Variants in CCNB1IP1 observed in about 807,000 individuals in gnomAD.
The protein encoded by CCNB1IP1 is E3 ubiquitin-protein ligase CCNB1IP1.
In CCNB1IP1, 14 loss-of-function variants were observed where a neutral mutation model predicts 25.6. The observed-to-expected ratio is 0.55, with a 90% CI of 0.36 to 0.85. CCNB1IP1 has a LOEUF of 0.85. Among genes scored for constraint, CCNB1IP1 ranks in the 40% least tolerant of loss-of-function variants. CCNB1IP1 has a pLI of 0.01. For synonymous variants in CCNB1IP1, 119 were observed against 116.1 expected (o/e 1.02, Z -0.16); for missense variants, 278 against 342.4 (o/e 0.81, Z 1.48).
At chr14:20,315,238 T>C (rs1436291008) in intron 5 of CCNB1IP1, among the ~76,000 whole-genome samples, 1 of 137,620 alleles carries the variant, frequency 7.3e-6, no homozygotes, top group Non-Finnish European at 1.5e-5. Context: ...GAGACACCAC[T>C]ATACACCTAT....
chr14:20,320,385 T>C (rs1219178436), intron 4 of CCNB1IP1: 1 of 453,918 alleles, frequency 2.2e-6, no homozygotes, highest in Non-Finnish European at 4.4e-6. Context: ...GTCTAGTCTG[T>C]AACATTCCTA....
chr14:20,323,391 G>T, intron 4 of CCNB1IP1: 1 of 152,078 alleles, frequency 6.6e-6, no homozygotes, highest in Non-Finnish European at 1.5e-5. Flanking sequence ...CCCAACCTGG[G>T]CAACATGGCA....
chr14:20,332,026 A>ATATATATATATATTTTTT (rs59034398), intron 1 of CCNB1IP1, among the ~76,000 whole-genome samples: 4 of 40,742 alleles, frequency 9.8e-5, no homozygotes, highest in African/African-American at 3.5e-4. Flanking sequence ...ATATATATAT[A>ATATATATATATATTTTTT]TTTTTTTTTT....
chr14:20,316,164 C>T (rs1882686849), intron 5 of CCNB1IP1, 63 bp downstream of exon 5: 1 of 1,411,750 alleles, frequency 7.1e-7, no homozygotes, highest in Non-Finnish European at 9.7e-7. Flanking sequence ...GAAGGAAAGA[C>T]ACTAGAAGTT....
At chr14:20,317,134 C>G (rs374030679) in intron 4 of CCNB1IP1, among the ~76,000 whole-genome samples, 2 of 151,996 alleles carry the variant, frequency 1.3e-5, no homozygotes, top group South Asian at 4.1e-4. Flanking sequence ...ATAGGCTGGG[C>G]GCGGTGGCTC....
chr14:20,312,115 G>A (rs1432561087), intron 6 of CCNB1IP1, among the ~76,000 whole-genome samples: 1 of 152,058 alleles, frequency 6.6e-6, no homozygotes, highest in East Asian at 1.9e-4. Flanking sequence ...GGAAAATGCT[G>A]ACTATATATC....
chr14:20,327,107 CA>C (rs1317874293), intron 2 of CCNB1IP1, among the ~76,000 whole-genome samples: 2 of 149,828 alleles, frequency 1.3e-5, no homozygotes, highest in Non-Finnish European at 3.0e-5. Flanking sequence ...ACAACAACAA[CA>C]AAAAAAAACC....
Position 20,311,597 on chromosome 14 carries a change from C to G in CCNB1IP1, c.787G>C (p.Glu263Gln). The G allele has an allele frequency of 1.2e-6, 2 of 1,614,000 alleles. No homozygotes were observed. The highest frequency in any genetic ancestry group is 1.7e-6 in the Non-Finnish European group (2 of 1,180,008). Residue 263 changes from glutamate (E) to glutamine (Q), a missense_variant, in exon 7 of 7, where the codon GAG (glutamate) becomes CAG (glutamine). Transcript: ENST00000358932. ...FSFVSPSREL[E>Q]QQQVSSRAFK... ...GCCCTGCTAGAAACTTGCTGCTGCT[C>G]TAATTCACGACTTGGAGAGACAAAA...
chr14:20,315,110 G>C (rs974146318), intron 5 of CCNB1IP1, among the ~76,000 whole-genome samples: 6 of 5,180 alleles, frequency 1.2e-3, no homozygotes, highest in Non-Finnish European at 2.2e-3. Flanking sequence ...AAAAAAAAAA[G>C]ACCAAGAACT....
At chr14:20,331,606 A>T (rs908695729) in intron 1 of CCNB1IP1, among the ~76,000 whole-genome samples, 5 of 152,228 alleles carry the variant, frequency 3.3e-5, no homozygotes, top group Non-Finnish European at 7.3e-5. Flanking sequence ...TCAAGATCAT[A>T]AACTATCTGA....
At chr14:20,324,954 C>T (rs1046318979) in intron 4 of CCNB1IP1, among the ~76,000 whole-genome samples, 5 of 152,176 alleles carry the variant, frequency 3.3e-5, no homozygotes, top group Middle Eastern at 3.4e-3. Flanking sequence ...GGACTACAGG[C>T]GCACACCACC....
chr14:20,317,403 G>GA (rs545237454), intron 4 of CCNB1IP1, among the ~76,000 whole-genome samples: 58 of 146,006 alleles, frequency 4.0e-4, no homozygotes, highest in Middle Eastern at 3.5e-3. Context: ...GTCCCAGAAG[G>GA]AAAAAAAAAA....
intron 1 of CCNB1IP1, among the ~76,000 whole-genome samples, chr14:20,331,453 C>A (rs1361774189): frequency 6.6e-6 from 1 of 152,174 alleles, no homozygotes; most frequent in Non-Finnish European, 1.5e-5. Flanking sequence ...GGTTTCTAAT[C>A]ACCACCGTGT....
intron 4 of CCNB1IP1, chr14:20,320,504 G>A (rs1427775618): frequency 1.5e-5 from 5 of 329,992 alleles, no homozygotes; most frequent in Non-Finnish European, 1.8e-5. Context: ...AAAAAAACAA[G>A]GCAACCAACC....
At chr14:20,315,502 A>G in intron 5 of CCNB1IP1, 1 of 1,131,770 alleles carries the variant, frequency 8.8e-7, no homozygotes, top group South Asian at 1.9e-5. Flanking sequence ...AATATAATAA[A>G]AAGTTACTTG....
chr14:20,327,642 T>A (rs1050692359), intron 2 of CCNB1IP1, among the ~76,000 whole-genome samples: 1 of 151,700 alleles, frequency 6.6e-6, no homozygotes, highest in African/African-American at 2.4e-5. Context: ...CTTGTAATGA[T>A]CATCTAAAAC....
At chr14:20,318,474 T>C (rs992773487) in intron 4 of CCNB1IP1, 1 of 145,546 alleles carries the variant, frequency 6.9e-6, no homozygotes, top group Non-Finnish European at 1.5e-5. Flanking sequence ...CCTCCGTCTT[T>C]AAAAAAAAAA....
intron 4 of CCNB1IP1, among the ~76,000 whole-genome samples, chr14:20,320,918 A>C (rs549058969): frequency 6.6e-6 from 1 of 152,020 alleles, no homozygotes; most frequent in African/African-American, 2.4e-5. Flanking sequence ...TGGGTGGATC[A>C]CCTGAGGTCG....
intron 4 of CCNB1IP1, chr14:20,317,849 G>C (rs1882761599): frequency 6.6e-6 from 1 of 152,276 alleles, no homozygotes; most frequent in African/African-American, 2.4e-5. Flanking sequence ...AGCTCCACAA[G>C]CGAAGATTCC....
Sources: allele counts gnomAD v4.1 joint callset (sites outside exome capture counted in the v4.1 genomes callset), GRCh38; gene constraint gnomAD v4.1.1; transcripts MANE v1.5; gene names NCBI Gene and HGNC (gene_info 2026-07-23, HGNC 2026-07-21).